The following CYP3A4 variants were observed in gnomAD, a reference collection of about 807,000 sequenced individuals.
The protein encoded by CYP3A4 is cytochrome P450 family 3 subfamily A member 4.
A neutral mutation model predicts 54.9 loss-of-function variants in CYP3A4; 41 were observed. The ratio of observed to expected loss-of-function variants is 0.75; its 90% confidence interval spans 0.58 to 0.97. CYP3A4 has a LOEUF of 0.97. CYP3A4 is among the 50% of genes least tolerant of loss of function. The pLI, the probability that CYP3A4 is intolerant of heterozygous loss-of-function variation, is 0.00. For synonymous variants in CYP3A4, 179 were observed against 205.2 expected (o/e 0.87, Z 1.09); for missense variants, 510 against 597.3 (o/e 0.85, Z 1.52).
chr7:99,778,021 T>G lies in CYP3A4; in HGVS notation c.218+7A>C, dbSNP rs768757929. ...GTCTATCCAATGGAAGTTTCCAGAA[T>G]ACTCACCCCCACACTTTTCCATACT... is the stretch of plus-strand genomic sequence containing the variant. On this transcript the variant is annotated splice_region_variant and intron_variant, in intron 3 of 12. Transcript: ENST00000651514. 2 of 1,611,592 alleles carry G rather than the reference T, an allele frequency of 1.2e-6. No individual in the cohort carries two copies. Among genetic ancestry groups the G allele is most frequent in the Non-Finnish European group, 1.7e-6 (2 of 1,177,834 alleles).
At chr7:99,758,854 C>T (rs1815248017) in intron 12 of CYP3A4, among the ~76,000 whole-genome samples, 1 of 152,134 alleles carries the variant, frequency 6.6e-6, no homozygotes, top group Admixed American at 6.5e-5. Flanking sequence ...TCTTGGCTTC[C>T]AAGGGTAGTG....
intron 3 of CYP3A4, among the ~76,000 whole-genome samples, chr7:99,776,125 A>T (rs1378549311): frequency 3.3e-5 from 5 of 152,256 alleles, no homozygotes; most frequent in Admixed American, 2.6e-4. Flanking sequence ...AGAGAAATGC[A>T]AATCAAAACC....
At chr7:99,771,263 G>T (rs985531846) in intron 4 of CYP3A4, among the ~76,000 whole-genome samples, 3 of 152,086 alleles carry the variant, frequency 2.0e-5, no homozygotes, top group African/African-American at 7.2e-5. Flanking sequence ...TGTCAGTTCT[G>T]CAAGGTTCTA....
chr7:99,772,284 G>T (rs1815655360), intron 4 of CYP3A4, among the ~76,000 whole-genome samples: 1 of 152,102 alleles, frequency 6.6e-6, no homozygotes, highest in Non-Finnish European at 1.5e-5. Flanking sequence ...GATCATGCTG[G>T]TCATTGCACA....
At chr7:99,770,036 G>T in intron 5 of CYP3A4, 86 bp downstream of exon 5, 1 of 1,526,944 alleles carries the variant, frequency 6.5e-7, no homozygotes, top group Non-Finnish European at 9.0e-7. Flanking sequence ...ACTACCCCTT[G>T]GAAAGGGACT....
chr7:99,777,488 G>A (rs569875514), intron 3 of CYP3A4, among the ~76,000 whole-genome samples: 8 of 137,464 alleles, frequency 5.8e-5, no homozygotes, highest in African/African-American at 1.8e-4. Flanking sequence ...GTGTGTGTGT[G>A]TGTGTGTGTG....
Position 99,760,953 on chromosome 7 carries a change from C to G in CYP3A4, c.1282G>C (p.Asp428His), listed in dbSNP as rs770509855. Residue 428 changes from aspartate (D) to histidine (H), a missense_variant, in exon 12 of 13, where the codon GAT becomes CAT. Transcript: ENST00000651514. Reference sequence around the variant, plus strand: ...CCAAAGGGTGTGTATATGTAAGGATCTATGTTGTCCTTGTTCTTCTTGCTG... The same window carrying G: ...CCAAAGGGTGTGTATATGTAAGGATGTATGTTGTCCTTGTTCTTCTTGCTG... ...RFSKKNKDNI[D>H]PYIYTPFGSG... 2 of 1,613,672 alleles carry G rather than the reference C, an allele frequency of 1.2e-6. No individual in the cohort carries two copies. Among genetic ancestry groups the G allele is most frequent in the East Asian group, 4.5e-5 (2 of 44,868 alleles).
intron 12 of CYP3A4, 62 bp from the exon 13 acceptor site, chr7:99,758,290 T>C: frequency 6.4e-7 from 1 of 1,558,432 alleles, no homozygotes; most frequent in Non-Finnish European, 8.8e-7. Flanking sequence ...AAGTATAGCA[T>C]CAAAGTGAGT....
chr7:99,782,765 C>T (rs749394359), intron 1 of CYP3A4, among the ~76,000 whole-genome samples: 10 of 152,074 alleles, frequency 6.6e-5, no homozygotes, highest in East Asian at 1.9e-4. Context: ...CTGCCCTGAG[C>T]GTTTAACATA....
chr7:99,782,967 A>T (rs1815964258), intron 1 of CYP3A4, among the ~76,000 whole-genome samples: 1 of 152,180 alleles, frequency 6.6e-6, no homozygotes, highest in Non-Finnish European at 1.5e-5. Context: ...AACAGCCCTC[A>T]TTTGTCACCT....
At chr7:99,768,042 C>A (rs547487290) in intron 7 of CYP3A4, among the ~76,000 whole-genome samples, 2 of 151,974 alleles carry the variant, frequency 1.3e-5, no homozygotes, top group Admixed American at 6.6e-5. Flanking sequence ...AATAAAAAAC[C>A]CTGATGAATT....
Position 99,768,382 on chromosome 7 carries a change from A to G in CYP3A4, c.642T>C (p.Asp214=). The G allele has an allele frequency of 1.2e-6, 2 of 1,614,034 alleles. No homozygotes were observed. The highest frequency in any genetic ancestry group is 1.7e-6 in the Non-Finnish European group (2 of 1,179,918). ...VENTKKLLRF[D]FLDPFFLSIT... is the part of the protein sequence containing the mutation. Reference sequence around the variant, plus strand: ...TTGAGAGAAAGAATGGATCCAAAAAATCAAATCTTAAAAGCTTCTTGGTGT... The same window carrying G: ...TTGAGAGAAAGAATGGATCCAAAAAGTCAAATCTTAAAAGCTTCTTGGTGT... Residue 214 remains aspartate, a synonymous_variant, in exon 7 of 13, where the codon GAT becomes GAC. Coordinates refer to ENST00000651514, the MANE Select transcript of CYP3A4 (RefSeq NM_017460.6).
At chr7:99,776,416 C>T (rs1271188498) in intron 3 of CYP3A4, among the ~76,000 whole-genome samples, 2 of 152,246 alleles carry the variant, frequency 1.3e-5, no homozygotes, top group Admixed American at 6.5e-5. Flanking sequence ...GAACTATTCA[C>T]AATACCAAAG....
chr7:99,772,811 A>C (rs1815668051), intron 3 of CYP3A4, 122 bp from the exon 4 acceptor site: 3 of 991,764 alleles, frequency 3.0e-6, no homozygotes, highest in Non-Finnish European at 4.5e-6. Context: ...AATACACAGT[A>C]ATCTTAGGTT....
At chr7:99,771,972 TTAAAC>T (rs1429595007) in intron 4 of CYP3A4, among the ~76,000 whole-genome samples, 23 of 152,120 alleles carry the variant, frequency 1.5e-4, no homozygotes, top group Non-Finnish European at 3.2e-4. Flanking sequence ...TAGTAAAGCA[TTAAAC>T]TTTATGACTT....
chr7:99,772,054 A>G (rs1319992735), intron 4 of CYP3A4, among the ~76,000 whole-genome samples: 1 of 152,224 alleles, frequency 6.6e-6, no homozygotes, highest in African/African-American at 2.4e-5. Context: ...CACCAAAAGT[A>G]CAATCCAGAA....
chr7:99,764,443 G>A (rs1815425424), intron 9 of CYP3A4, among the ~76,000 whole-genome samples: 3 of 152,268 alleles, frequency 2.0e-5, no homozygotes, highest in Non-Finnish European at 1.5e-5. Flanking sequence ...GACAAACTTT[G>A]AGAGAATTTG....
chr7:99,775,212 A>G (rs1309591885), intron 3 of CYP3A4, among the ~76,000 whole-genome samples: 1 of 152,166 alleles, frequency 6.6e-6, no homozygotes, highest in Non-Finnish European at 1.5e-5. Flanking sequence ...AAATGGAAGA[A>G]CATTCCATGC....
intron 1 of CYP3A4, among the ~76,000 whole-genome samples, chr7:99,783,681 T>A (rs1815984868): frequency 7.1e-6 from 1 of 140,280 alleles, no homozygotes; most frequent in African/African-American, 2.6e-5. Flanking sequence ...TGATCTCAGC[T>A]CACTGCAACC....
Sources: allele counts gnomAD v4.1 joint callset (sites outside exome capture counted in the v4.1 genomes callset), GRCh38; gene constraint gnomAD v4.1.1; transcripts MANE v1.5; gene names NCBI Gene and HGNC (gene_info 2026-07-23, HGNC 2026-07-21).